The following NALCN variants were observed in gnomAD, a reference collection of about 807,000 sequenced individuals.
NALCN encodes the protein sodium leak channel NALCN.
A neutral mutation model predicts 225.3 loss-of-function variants in NALCN; 111 were observed. The observed-to-expected ratio is 0.49, with a 90% CI of 0.42 to 0.58. NALCN has a LOEUF of 0.58. Ranked by LOEUF, NALCN falls within the 20% of genes least tolerant of loss-of-function variation. NALCN has a pLI of 0.00. For synonymous variants in NALCN, 764 were observed against 769.0 expected, an observed-to-expected ratio of 0.99 and a Z score of 0.11; for missense variants, 1,378 against 2,202.4, an observed-to-expected ratio of 0.63 and a Z score of 7.49.
chr13:101,069,131 GT>G (rs1225274563), intron 37 of NALCN, among the ~76,000 whole-genome samples: 2 of 152,176 alleles, frequency 1.3e-5, no homozygotes, highest in African/African-American at 4.8e-5. Flanking sequence ...CAAGTGATAA[GT>G]AGCCACTGTG....
intron 2 of NALCN, among the ~76,000 whole-genome samples, 158 bp downstream of exon 2, chr13:101,398,861 A>C (rs1003324976): frequency 1.3e-5 from 2 of 152,064 alleles, no homozygotes; most frequent in Non-Finnish European, 2.9e-5. Flanking sequence ...ACATCTCACT[A>C]TTTCATTGGA....
chr13:101,368,624 G>C (rs2046449286), intron 6 of NALCN: 1 of 152,108 alleles, frequency 6.6e-6, no homozygotes, highest in Non-Finnish European at 1.5e-5. Context: ...ATTTATGTCT[G>C]GGCTAATAGT....
rs139137615 is a variant in NALCN at position 101,061,995 on chromosome 13, G to A, written c.4728C>T (p.Leu1576=). 136 of 1,613,956 alleles carry A rather than the reference G, an allele frequency of 8.4e-5. No homozygotes were observed. The highest frequency in any genetic ancestry group is 1.7e-5 in the Admixed American group (1 of 59,996). The change falls in exon 41 of 44, where the codon CTC becomes CTT. Residue 1576 remains leucine, a synonymous_variant. Coordinates refer to ENST00000251127, the MANE Select transcript of NALCN (RefSeq NM_052867.4). ...CTCTGATGCGCTTCAGGCACTTCTTGAGCCACATGCGGATGGTCTGCTTGG... is the reference window on the plus strand; with the variant it reads ...CTCTGATGCGCTTCAGGCACTTCTTAAGCCACATGCGGATGGTCTGCTTGG... ...EVAKQTIRMW[L]KKCLKRIRAK...
rs558116936 is a variant in NALCN, at chr13:101,136,877, C to T, written c.2118+6203G>A. ...AGTTCTAGATCCTTGAGGAATAGCA[C>T]GCTGTCTTCCACAATGGTTGAACTA... On this transcript the variant is annotated intron_variant, in intron 17 of 43. Transcript: ENST00000251127. Among the ~76,000 whole-genome samples, 101 of 152,298 alleles carry T rather than the reference C, an allele frequency of 6.6e-4. 1 individual carries two copies. Among genetic ancestry groups the T allele is most frequent in the African/African-American group, 2.2e-3 (90 of 41,566 alleles).
chr13:101,218,128 G>A lies in NALCN; in HGVS notation c.1626+11265C>T, dbSNP rs142603735. Among the ~76,000 whole-genome samples, 655 of 141,974 alleles carry A rather than the reference G, an allele frequency of 4.6e-3. 5 individuals are homozygous for A. Among genetic ancestry groups the A allele is most frequent in the African/African-American group, 0.017 (638 of 37,246 alleles). 93.1% of individuals were successfully genotyped at this position (141,974 alleles called of 152,430 possible). On this transcript the variant is annotated intron_variant, in intron 13 of 43. Transcript: ENST00000251127. ...GCAAGTTTGCTGGAAGGAAAGGGATGATAGAAAAGGTTTCCTGGTCCTAAG... is the reference window on the plus strand; with the variant it reads ...GCAAGTTTGCTGGAAGGAAAGGGATAATAGAAAAGGTTTCCTGGTCCTAAG...
At chr13:101,373,545 C>T (rs1360799135) in intron 6 of NALCN, among the ~76,000 whole-genome samples, 5 of 152,038 alleles carry the variant, frequency 3.3e-5, no homozygotes, top group Admixed American at 6.6e-5. Context: ...CTGAACAAAA[C>T]GGAAAAGCAC....
At chr13:101,075,768 G>T in intron 35 of NALCN, 105 bp downstream of exon 35, 1 of 845,886 alleles carries the variant, frequency 1.2e-6, no homozygotes, top group South Asian at 2.2e-5. Context: ...AGTAATTTGT[G>T]ATTACATCCC....
At chr13:101,090,066 G>A in intron 28 of NALCN, 100 bp from the exon 29 acceptor site, 1 of 1,535,510 alleles carries the variant, frequency 6.5e-7, no homozygotes, top group Non-Finnish European at 8.9e-7. Context: ...GGATATGTGT[G>A]TGTGTGTGTA....
chr13:101,367,408 TCTAA>T (rs140920274), intron 6 of NALCN, among the ~76,000 whole-genome samples: 27,737 of 151,886 alleles, frequency 0.18, 2,659 homozygotes, highest in Non-Finnish European at 0.22. Context: ...GATAACACTT[TCTAA>T]CTAATTATTA....
At chr13:101,181,983 A>T (rs1470483316) in intron 14 of NALCN, among the ~76,000 whole-genome samples, 1 of 151,788 alleles carries the variant, frequency 6.6e-6, no homozygotes, top group Non-Finnish European at 1.5e-5. Context: ...AGTACAAAAA[A>T]ATTAGCCGGG....
intron 10 of NALCN, among the ~76,000 whole-genome samples, chr13:101,269,211 C>CATATATATATATATATAT (rs60240326): frequency 1.5e-4 from 22 of 145,556 alleles, no homozygotes; most frequent in South Asian, 6.8e-4. Flanking sequence ...AGAAAAAGCT[C>CATATATATATATATATAT]ATATATATAT....
chr13:101,317,173 G>C (rs993729126), intron 7 of NALCN, among the ~76,000 whole-genome samples: 2 of 151,996 alleles, frequency 1.3e-5, no homozygotes, highest in Admixed American at 6.6e-5. Flanking sequence ...AAGTTGTTCT[G>C]AATCATTTAA....
intron 14 of NALCN, among the ~76,000 whole-genome samples, chr13:101,179,399 T>G (rs1327827888): frequency 1.3e-5 from 2 of 152,228 alleles, no homozygotes; most frequent in Non-Finnish European, 2.9e-5. Context: ...TAAAATTAGT[T>G]ATGCAAAGCT....
At chr13:101,346,057 TTCTCTCTC>T (rs767899309) in intron 6 of NALCN, among the ~76,000 whole-genome samples, 4 of 75,568 alleles carry the variant, frequency 5.3e-5, no homozygotes, top group East Asian at 3.7e-4. Context: ...TTGAGAGACT[TTCTCTCTC>T]TCTCTCTCTC....
chr13:101,070,138 C>T (rs1047040069), intron 37 of NALCN, among the ~76,000 whole-genome samples: 9 of 130,940 alleles, frequency 6.9e-5, no homozygotes, highest in Non-Finnish European at 1.1e-4. Context: ...GCAATCTCCG[C>T]TCACTGCAAG....
At chr13:101,149,836 T>A (rs1228412572) in intron 15 of NALCN, among the ~76,000 whole-genome samples, 1 of 152,188 alleles carries the variant, frequency 6.6e-6, no homozygotes, top group Non-Finnish European at 1.5e-5. Context: ...CTCTTTGCTG[T>A]TATTAAGAGA....
intron 34 of NALCN, among the ~76,000 whole-genome samples, chr13:101,079,532 A>G (rs1330900715): frequency 6.6e-6 from 1 of 152,148 alleles, no homozygotes; most frequent in Non-Finnish European, 1.5e-5. Context: ...GACCTCTCTG[A>G]TGAAGCCATC....
chr13:101,251,400 G>C (rs2042057578), intron 11 of NALCN, among the ~76,000 whole-genome samples: 1 of 152,038 alleles, frequency 6.6e-6, no homozygotes, highest in Non-Finnish European at 1.5e-5. Context: ...GGATTAGGGA[G>C]AAGGAGGAGA....
chr13:101,183,899 G>C (rs2039344949), intron 14 of NALCN, among the ~76,000 whole-genome samples: 1 of 152,008 alleles, frequency 6.6e-6, no homozygotes, highest in Non-Finnish European at 1.5e-5. Flanking sequence ...TTTCAACACA[G>C]TGGTGTTTAG....
Sources: allele counts gnomAD v4.1 joint callset (sites outside exome capture counted in the v4.1 genomes callset), GRCh38; gene constraint gnomAD v4.1.1; transcripts MANE v1.5; gene names NCBI Gene and HGNC (gene_info 2026-07-23, HGNC 2026-07-21).